ST6GALNAC3: variants seen among roughly 807,000 people sequenced by gnomAD.
The protein encoded by ST6GALNAC3 is ST6 N-acetylgalactosaminide alpha-2,6-sialyltransferase 3.
Under a neutral mutation model 32.7 loss-of-function variants are expected in ST6GALNAC3, and 25 were observed. The observed-to-expected ratio is 0.76, with a 90% CI of 0.56 to 1.07. ST6GALNAC3 has a LOEUF of 1.07. Among genes scored for constraint, ST6GALNAC3 ranks in the 50% least tolerant of loss-of-function variants. The pLI is 0.00. For missense variants in ST6GALNAC3, 355 were observed against 382.4 expected (o/e 0.93, Z 0.60); for synonymous variants, 129 against 133.1 (o/e 0.97, Z 0.21).
Position 76,439,420 on chromosome 1 carries a change from G to A in ST6GALNAC3, c.623+27003G>A, listed in dbSNP as rs143044172. 7.2e-3 allele frequency among the ~76,000 whole-genome samples: 1,089 copies of A among 152,304 alleles called. 10 individuals are homozygous for A. The highest frequency in any genetic ancestry group is 0.023 in the East Asian group (120 of 5,184). On this transcript the variant is annotated intron_variant, in intron 3 of 4. Coordinates refer to ENST00000328299, the MANE Select transcript of ST6GALNAC3 (RefSeq NM_152996.4). ...AAAGGAAGTTTGTTTAAAAAGGTCC[G>A]GGGCTTTGAAAAGCTATGCTTTATG...
chr1:76,133,876 A>G (rs1320928392), intron 1 of ST6GALNAC3, among the ~76,000 whole-genome samples: 1 of 152,214 alleles, frequency 6.6e-6, no homozygotes, highest in East Asian at 1.9e-4. Context: ...CTCTACTTAC[A>G]GAATGACAAG....
intron 3 of ST6GALNAC3, among the ~76,000 whole-genome samples, chr1:76,447,107 C>A (rs1220443607): frequency 6.6e-6 from 1 of 152,148 alleles, no homozygotes; most frequent in Non-Finnish European, 1.5e-5. Context: ...ATGGCTTTGA[C>A]TAAAATGCTG....
intron 3 of ST6GALNAC3, among the ~76,000 whole-genome samples, chr1:76,545,750 A>G (rs561846302): frequency 6.6e-6 from 1 of 151,234 alleles, no homozygotes; most frequent in South Asian, 2.1e-4. Context: ...TCCGCCTCTC[A>G]GGTTCAAGTG....
At chr1:76,195,691 A>G (rs1464809532) in intron 1 of ST6GALNAC3, among the ~76,000 whole-genome samples, 1 of 152,220 alleles carries the variant, frequency 6.6e-6, no homozygotes, top group Non-Finnish European at 1.5e-5. Flanking sequence ...ACACTTTAGT[A>G]TTCTCACAAA....
At chr1:76,580,718 T>C (rs998519758) in intron 3 of ST6GALNAC3, among the ~76,000 whole-genome samples, 1 of 152,172 alleles carries the variant, frequency 6.6e-6, no homozygotes, top group Non-Finnish European at 1.5e-5. Flanking sequence ...AATAAGCTCA[T>C]GATCTCTCTT....
intron 3 of ST6GALNAC3, among the ~76,000 whole-genome samples, chr1:76,534,389 T>C (rs1237891611): frequency 1.3e-5 from 2 of 152,156 alleles, no homozygotes; most frequent in African/African-American, 2.4e-5. Flanking sequence ...TACTCCATGG[T>C]AGGCAACCAC....
intron 1 of ST6GALNAC3, among the ~76,000 whole-genome samples, chr1:76,266,371 C>T (rs1658528173): frequency 6.6e-6 from 1 of 152,132 alleles, no homozygotes; most frequent in South Asian, 2.1e-4. Flanking sequence ...AAACTCTCGC[C>T]CTTGCCCTAG....
intron 3 of ST6GALNAC3, among the ~76,000 whole-genome samples, chr1:76,587,912 G>A (rs1411592592): frequency 2.6e-5 from 4 of 152,124 alleles, no homozygotes; most frequent in Non-Finnish European, 5.9e-5. Context: ...AACATCCATC[G>A]GTTAGGATCC....
At chr1:76,537,965 T>C (rs1663729629) in intron 3 of ST6GALNAC3, among the ~76,000 whole-genome samples, 1 of 152,194 alleles carries the variant, frequency 6.6e-6, no homozygotes, top group African/African-American at 2.4e-5. Context: ...TACCATTCCT[T>C]CTGAAACTAT....
chr1:76,329,151 A>G (rs981682028), intron 2 of ST6GALNAC3, among the ~76,000 whole-genome samples: 7 of 152,188 alleles, frequency 4.6e-5, no homozygotes, highest in Admixed American at 3.9e-4. Flanking sequence ...GCAGACAAAA[A>G]CACAGGAATC....
intron 3 of ST6GALNAC3, among the ~76,000 whole-genome samples, chr1:76,455,951 T>C (rs1657751563): frequency 6.6e-6 from 1 of 152,172 alleles, no homozygotes; most frequent in Admixed American, 6.5e-5. Flanking sequence ...TTTGGGAGGC[T>C]GAGGCAGGCA....
chr1:76,366,555 A>G (rs1262867392), intron 2 of ST6GALNAC3, among the ~76,000 whole-genome samples: 7 of 152,182 alleles, frequency 4.6e-5, no homozygotes, highest in African/African-American at 1.7e-4. Flanking sequence ...GTCCTTTTCT[A>G]TTTGGCTTGA....
chr1:76,563,188 A>G (rs1284354382), intron 3 of ST6GALNAC3, among the ~76,000 whole-genome samples: 2 of 152,216 alleles, frequency 1.3e-5, no homozygotes, highest in Non-Finnish European at 2.9e-5. Context: ...TGGGAAATCA[A>G]TCAGTTTTCA....
intron 1 of ST6GALNAC3, among the ~76,000 whole-genome samples, chr1:76,097,004 C>T (rs1647144698): frequency 2.0e-5 from 3 of 151,560 alleles, no homozygotes; most frequent in Non-Finnish European, 2.9e-5. Flanking sequence ...CTGCAATCTC[C>T]GCCTCGCGGG....
chr1:76,242,339 G>C (rs970535086), intron 1 of ST6GALNAC3, among the ~76,000 whole-genome samples: 2 of 152,092 alleles, frequency 1.3e-5, no homozygotes, highest in Non-Finnish European at 2.9e-5. Flanking sequence ...GCTAGAGTTG[G>C]GGGGAAGATC....
intron 2 of ST6GALNAC3, among the ~76,000 whole-genome samples, chr1:76,332,525 A>T (rs549528555): frequency 1.3e-4 from 20 of 152,312 alleles, no homozygotes; most frequent in Admixed American, 9.8e-4. Flanking sequence ...ACTTCCTTGG[A>T]AAGAAATAAG....
chr1:76,485,074 A>G (rs1281271508), intron 3 of ST6GALNAC3, among the ~76,000 whole-genome samples: 1 of 152,186 alleles, frequency 6.6e-6, no homozygotes, highest in South Asian at 2.1e-4. Context: ...GAAGAAGCCC[A>G]CTTGATCATG....
chr1:76,181,165 A>G (rs1223157610), intron 1 of ST6GALNAC3, among the ~76,000 whole-genome samples: 1 of 152,224 alleles, frequency 6.6e-6, no homozygotes, highest in East Asian at 1.9e-4. Flanking sequence ...GTGACTGAAC[A>G]GACAAGCCAA....
chr1:76,464,657 T>C (rs1379749236), intron 3 of ST6GALNAC3, among the ~76,000 whole-genome samples: 1 of 152,220 alleles, frequency 6.6e-6, no homozygotes, highest in Non-Finnish European at 1.5e-5. Context: ...GAGTAAGTGG[T>C]CATTTATTCA....
Sources: allele counts gnomAD v4.1 joint callset (sites outside exome capture counted in the v4.1 genomes callset), GRCh38; gene constraint gnomAD v4.1.1; transcripts MANE v1.5; gene names NCBI Gene and HGNC (gene_info 2026-07-23, HGNC 2026-07-21).